NFIA: variants seen among roughly 807,000 people sequenced by gnomAD.
NFIA encodes nuclear factor 1 A-type.
NFIA carries 8 observed loss-of-function variants against 62.8 expected under a neutral mutation model. That is an observed-to-expected ratio of 0.13 (90% CI 0.07 to 0.23). NFIA has a LOEUF of 0.23. Among genes scored for constraint, NFIA ranks in the 10% least tolerant of loss-of-function variants. NFIA has a pLI of 1.00. For missense variants in NFIA, 410 were observed against 642.1 expected (o/e 0.64, Z 3.91); for synonymous variants, 235 against 238.1 (o/e 0.99, Z 0.12).
At chr1:61,219,243 A>C (rs1178255273) in intron 2 of NFIA, among the ~76,000 whole-genome samples, 2 of 152,038 alleles carry the variant, frequency 1.3e-5, no homozygotes, top group Admixed American at 6.6e-5. Flanking sequence ...AAAAAAAAAA[A>C]ACCTCTACCC....
chr1:61,283,419 A>C (rs1658258123), intron 3 of NFIA, among the ~76,000 whole-genome samples: 1 of 145,128 alleles, frequency 6.9e-6, no homozygotes, highest in African/African-American at 2.5e-5. Context: ...AAAAATACCA[A>C]AAAAAAAAAA....
At chr1:61,442,866 A>G (rs1667648783) in intron 10 of NFIA, among the ~76,000 whole-genome samples, 1 of 152,202 alleles carries the variant, frequency 6.6e-6, no homozygotes. Context: ...AATCACTGTA[A>G]CTAAACTGCT....
chr1:61,345,580 G>T (rs529821904), intron 4 of NFIA, among the ~76,000 whole-genome samples: 19 of 152,286 alleles, frequency 1.2e-4, no homozygotes, highest in Admixed American at 5.9e-4. Context: ...AGCAGGAGGG[G>T]AGTGGCGGGT....
At chr1:61,159,522 G>A (rs888356987) in intron 2 of NFIA, among the ~76,000 whole-genome samples, 1 of 152,098 alleles carries the variant, frequency 6.6e-6, no homozygotes, top group East Asian at 1.9e-4. Context: ...ACCCTGAGTA[G>A]CAAGGGTCTG....
chr1:61,418,840 G>A (rs1569829679), intron 9 of NFIA, among the ~76,000 whole-genome samples: 1 of 152,142 alleles, frequency 6.6e-6, no homozygotes, highest in Admixed American at 6.5e-5. Context: ...GGCTGCAGAA[G>A]TCTTTCAAGA....
rs117356239 is a variant in NFIA at position 61,339,949 on chromosome 1, T to C, written c.700+7363T>C. On this transcript the variant is annotated intron_variant, in intron 4 of 10. Transcript: ENST00000403491. The stretch of plus-strand genomic sequence containing the variant: ...TGCCCTGGCTGTTGTCATGGACCAC[T>C]GAGCTGTTGAAATTAGAACTATGGC... 3.6e-3 allele frequency among the ~76,000 whole-genome samples: 553 copies of C among 152,306 alleles called. 15 individuals are homozygous for C. The East Asian group carries it at 0.045, about 12-fold the overall frequency.
chr1:61,406,738 C>G lies in NFIA; in HGVS notation c.1420+11C>G. ...CCCCCACGTCACCAAGTAAGTATGG[C>G]TGCGACAAGGCGCCGGTCACTTCTA... On this transcript the variant is annotated intron_variant, in intron 9 of 10. Transcript: ENST00000403491. The G allele has an allele frequency of 6.3e-7, 1 of 1,596,758 alleles. No homozygotes were observed. The highest frequency in any genetic ancestry group is 1.7e-5 in the Admixed American group (1 of 58,030).
chr1:61,437,329 A>G (rs544059179), intron 10 of NFIA, among the ~76,000 whole-genome samples: 1 of 152,246 alleles, frequency 6.6e-6, no homozygotes, highest in Non-Finnish European at 1.5e-5. Flanking sequence ...AGTAGGTCTA[A>G]TAAGGGAACT....
intron 2 of NFIA, among the ~76,000 whole-genome samples, chr1:61,215,853 G>A (rs752996208): frequency 1.1e-4 from 16 of 152,152 alleles, no homozygotes; most frequent in Non-Finnish European, 1.9e-4. Flanking sequence ...TTGCTCTTCT[G>A]AGGTCAGTCT....
intron 4 of NFIA, among the ~76,000 whole-genome samples, chr1:61,334,421 G>A (rs1267099034): frequency 2.6e-5 from 4 of 151,070 alleles, no homozygotes; most frequent in Non-Finnish European, 5.9e-5. Flanking sequence ...CAGTGCATCT[G>A]TATATATCTT....
intron 7 of NFIA, among the ~76,000 whole-genome samples, chr1:61,389,926 G>A (rs60210243): frequency 5.9e-4 from 90 of 152,142 alleles, no homozygotes; most frequent in African/African-American, 2.1e-3. Context: ...ACTATCTGGG[G>A]ACCCATTAAT....
intron 7 of NFIA, among the ~76,000 whole-genome samples, chr1:61,398,225 T>C (rs1157098226): frequency 1.3e-5 from 2 of 152,258 alleles, no homozygotes; most frequent in Non-Finnish European, 2.9e-5. Flanking sequence ...AGAGACCATA[T>C]AGCCTGCAAA....
At chr1:61,416,820 C>G (rs1215881032) in intron 9 of NFIA, among the ~76,000 whole-genome samples, 1 of 152,110 alleles carries the variant, frequency 6.6e-6, no homozygotes, top group African/African-American at 2.4e-5. Context: ...CTGCTGGACT[C>G]CAAAGCCCAG....
chr1:61,099,506 G>C (rs569677633), intron 2 of NFIA, among the ~76,000 whole-genome samples: 123 of 152,246 alleles, frequency 8.1e-4, no homozygotes, highest in African/African-American at 2.9e-3. Context: ...CTTAGGATTT[G>C]CTTTGTTGGA....
At chr1:61,454,458 C>G (rs1307792699) in intron 10 of NFIA, among the ~76,000 whole-genome samples, 1 of 152,190 alleles carries the variant, frequency 6.6e-6, no homozygotes, top group Non-Finnish European at 1.5e-5. Flanking sequence ...CTGGGCCTGG[C>G]AGGCACACAG....
At chr1:61,327,236 A>G (rs895446668) in intron 3 of NFIA, among the ~76,000 whole-genome samples, 1 of 151,360 alleles carries the variant, frequency 6.6e-6, no homozygotes, top group Admixed American at 6.6e-5. Flanking sequence ...CAGTATATAT[A>G]AAAATATATA....
At position 61,455,813 on chromosome 1, in the gene NFIA, C is replaced by A. The variant is rs1397728701; in HGVS notation, c.*493C>A. 3 of 160,204 alleles carry A rather than the reference C, an allele frequency of 1.9e-5. No homozygotes were observed. Among genetic ancestry groups the A allele is most frequent in the African/African-American group, 7.2e-5 (3 of 41,798 alleles). 9.9% of individuals were successfully genotyped at this position (160,204 alleles called of 1,614,324 possible). A position where few individuals can be genotyped will look rare whatever the true frequency, so the allele number is the denominator to read the frequency against. On this transcript the variant is annotated 3_prime_UTR_variant, in exon 11 of 11. Transcript: ENST00000403491. ...CTGAGATCTGCAATATATAACGGGA[C>A]AGTCAAAGGGCAATGTTTTTCTGTA...
At chr1:61,212,974 T>C (rs1570391150) in intron 2 of NFIA, among the ~76,000 whole-genome samples, 2 of 152,240 alleles carry the variant, frequency 1.3e-5, no homozygotes, top group East Asian at 1.9e-4. Flanking sequence ...GGCAGAGATA[T>C]CTGAGGAGGC....
intron 2 of NFIA, among the ~76,000 whole-genome samples, chr1:61,098,000 T>C (rs565815870): frequency 6.6e-5 from 10 of 152,300 alleles, no homozygotes; most frequent in African/African-American, 2.2e-4. Context: ...CATCAAGCCC[T>C]TCTTCGTGGC....
Sources: allele counts gnomAD v4.1 joint callset (sites outside exome capture counted in the v4.1 genomes callset), GRCh38; gene constraint gnomAD v4.1.1; transcripts MANE v1.5; gene names NCBI Gene and HGNC (gene_info 2026-07-23, HGNC 2026-07-21).